The following CACNA2D3 variants were observed in gnomAD, a reference collection of about 807,000 sequenced individuals.
CACNA2D3 encodes the protein calcium voltage-gated channel auxiliary subunit alpha2delta 3.
In CACNA2D3, 60 loss-of-function variants were observed where a neutral mutation model predicts 160.6. The ratio of observed to expected loss-of-function variants is 0.37; its 90% CI spans 0.30 to 0.46. The LOEUF is 0.46. CACNA2D3 is among the 20% of genes least tolerant of loss of function. The pLI, the probability that CACNA2D3 is intolerant of heterozygous loss-of-function variation, is 1.00. For missense variants in CACNA2D3, 1,205 were observed against 1,365.0 expected, an observed-to-expected ratio of 0.88 and a Z score of 1.85; for synonymous variants, 558 against 492.9, an observed-to-expected ratio of 1.13 and a Z score of -1.75.
intron 27 of CACNA2D3, among the ~76,000 whole-genome samples, chr3:54,960,470 T>C (rs1007944583): frequency 1.3e-5 from 2 of 152,232 alleles, no homozygotes; most frequent in Non-Finnish European, 2.9e-5. Context: ...ATGAGGTGTT[T>C]CTGCTGCTGT....
intron 13 of CACNA2D3, among the ~76,000 whole-genome samples, chr3:54,776,155 T>C (rs999452670): frequency 1.3e-5 from 2 of 152,148 alleles, no homozygotes; most frequent in Non-Finnish European, 2.9e-5. Context: ...ATTTATCCAA[T>C]CAGTTATGTC....
chr3:54,134,378 C>T (rs901058314), intron 2 of CACNA2D3, among the ~76,000 whole-genome samples: 4 of 152,148 alleles, frequency 2.6e-5, no homozygotes, highest in African/African-American at 9.7e-5. Flanking sequence ...CCCTGTGGCA[C>T]TTAGCACAGA....
intron 3 of CACNA2D3, among the ~76,000 whole-genome samples, chr3:54,383,087 A>G (rs931150051): frequency 1.3e-5 from 2 of 152,118 alleles, no homozygotes; most frequent in Non-Finnish European, 2.9e-5. Context: ...GGCTCATACG[A>G]TCCGCCCCCC....
At chr3:54,453,051 G>T (rs1700336230) in intron 4 of CACNA2D3, among the ~76,000 whole-genome samples, 1 of 151,666 alleles carries the variant, frequency 6.6e-6, no homozygotes, top group African/African-American at 2.4e-5. Context: ...GAGTGCAGTG[G>T]CATGATCACA....
At chr3:54,889,806 G>A (rs1371760814) in intron 24 of CACNA2D3, among the ~76,000 whole-genome samples, 3 of 152,148 alleles carry the variant, frequency 2.0e-5, no homozygotes, top group Non-Finnish European at 4.4e-5. Flanking sequence ...CCTTTCCTGG[G>A]GTTTCTTTCT....
At chr3:54,909,281 C>T (rs986467101) in intron 27 of CACNA2D3, among the ~76,000 whole-genome samples, 4 of 152,084 alleles carry the variant, frequency 2.6e-5, no homozygotes, top group Non-Finnish European at 5.9e-5. Flanking sequence ...ATTGAAAATG[C>T]CCTCACATGC....
intron 2 of CACNA2D3, among the ~76,000 whole-genome samples, chr3:54,184,127 G>A (rs1700836273): frequency 6.6e-6 from 1 of 152,088 alleles, no homozygotes; most frequent in Non-Finnish European, 1.5e-5. Flanking sequence ...ATCTCTTTGA[G>A]TGCAGGAAAT....
At chr3:54,456,107 G>A (rs1700392289) in intron 4 of CACNA2D3, among the ~76,000 whole-genome samples, 1 of 152,098 alleles carries the variant, frequency 6.6e-6, no homozygotes, top group South Asian at 2.1e-4. Context: ...TATTTTGATA[G>A]AGATTGCATT....
intron 27 of CACNA2D3, among the ~76,000 whole-genome samples, chr3:54,960,021 A>G (rs1270585548): frequency 6.7e-6 from 1 of 150,212 alleles, no homozygotes; most frequent in Non-Finnish European, 1.5e-5. Context: ...AACATTTATA[A>G]TTGTCATTTA....
intron 4 of CACNA2D3, among the ~76,000 whole-genome samples, chr3:54,389,740 C>T (rs376878115): frequency 2.0e-5 from 3 of 152,230 alleles, no homozygotes; most frequent in East Asian, 1.9e-4. Flanking sequence ...TGTCTGGACT[C>T]GTCTTCAAAA....
intron 4 of CACNA2D3, among the ~76,000 whole-genome samples, chr3:54,460,698 A>G (rs1700487026): frequency 6.6e-6 from 1 of 152,150 alleles, no homozygotes; most frequent in African/African-American, 2.4e-5. Flanking sequence ...GGTTTTCTAG[A>G]TATACAATCA....
chr3:54,423,894 T>TA (rs1699874664), intron 4 of CACNA2D3, among the ~76,000 whole-genome samples: 1 of 79,074 alleles, frequency 1.3e-5, no homozygotes, highest in East Asian at 3.5e-4. Flanking sequence ...GAAATTCTTA[T>TA]TTTTTTTTTT....
intron 31 of CACNA2D3, among the ~76,000 whole-genome samples, chr3:54,989,517 G>C (rs928630503): frequency 1.3e-5 from 2 of 152,192 alleles, no homozygotes; most frequent in Non-Finnish European, 2.9e-5. Context: ...AGAGCATTGA[G>C]AGTTTGATTT....
chr3:54,603,532 C>T (rs977252782), intron 9 of CACNA2D3, among the ~76,000 whole-genome samples: 8 of 152,202 alleles, frequency 5.3e-5, no homozygotes, highest in East Asian at 1.9e-4. Context: ...ATCTATCTTT[C>T]GTCCATGTCT....
At chr3:54,627,927 G>T in intron 10 of CACNA2D3, 51 bp downstream of exon 10, 1 of 1,272,476 alleles carries the variant, frequency 7.9e-7, no homozygotes, top group Admixed American at 1.9e-5. Context: ...ATAGATGGGT[G>T]TTGTTTTAGA....
intron 13 of CACNA2D3, among the ~76,000 whole-genome samples, chr3:54,807,434 G>T (rs1419054294): frequency 1.3e-5 from 2 of 152,210 alleles, no homozygotes; most frequent in African/African-American, 4.8e-5. Flanking sequence ...CATTTATGCA[G>T]CCAAAAAACA....
chr3:54,495,626 G>A (rs1015484440), intron 4 of CACNA2D3, among the ~76,000 whole-genome samples: 3 of 152,158 alleles, frequency 2.0e-5, no homozygotes, highest in African/African-American at 4.8e-5. Flanking sequence ...GTGCACACTT[G>A]TTATCCCAGC....
chr3:54,220,916 C>T (rs1173176588), intron 2 of CACNA2D3, among the ~76,000 whole-genome samples: 1 of 152,168 alleles, frequency 6.6e-6, no homozygotes, highest in Non-Finnish European at 1.5e-5. Flanking sequence ...TGCTGCTGAC[C>T]CTAGGCTCAT....
At chr3:54,934,419 C>T (rs1412118711) in intron 27 of CACNA2D3, among the ~76,000 whole-genome samples, 1 of 151,968 alleles carries the variant, frequency 6.6e-6, no homozygotes, top group Non-Finnish European at 1.5e-5. Context: ...TTTTTCTTGC[C>T]CTTTTGATAA....
Sources: allele counts gnomAD v4.1 joint callset (sites outside exome capture counted in the v4.1 genomes callset), GRCh38; gene constraint gnomAD v4.1.1; transcripts MANE v1.5; gene names NCBI Gene and HGNC (gene_info 2026-07-23, HGNC 2026-07-21).